The following RAB1A variants were observed in gnomAD, a reference collection of about 807,000 sequenced individuals.
RAB1A encodes the protein RAB1A, member RAS oncogene family, also known as ras-related protein Rab-1A.
In RAB1A, 2 loss-of-function variants were observed where a neutral mutation model predicts 26.0. That is an observed-to-expected ratio of 0.08 (90% CI 0.03 to 0.24). The LOEUF is 0.24. Among genes scored for constraint, RAB1A ranks in the 10% least tolerant of loss-of-function variants. The pLI is 1.00. For missense variants in RAB1A, 100 were observed against 247.0 expected (o/e 0.40, Z 3.99); for synonymous variants, 84 against 84.9 (o/e 0.99, Z 0.06).
chr2:65,121,588 G>A (rs924760646), intron 1 of RAB1A, among the ~76,000 whole-genome samples: 16 of 152,068 alleles, frequency 1.1e-4, no homozygotes, highest in African/African-American at 3.9e-4. Context: ...TGGCTCCTCA[G>A]GACCATTTTT....
intron 1 of RAB1A, among the ~76,000 whole-genome samples, chr2:65,129,607 C>A (rs1365797349): frequency 3.3e-5 from 5 of 152,100 alleles, no homozygotes; most frequent in Non-Finnish European, 4.4e-5. Context: ...CACACCGCCC[C>A]AGGCCCCTCG....
Position 65,091,052 on chromosome 2 carries a change from A to G in RAB1A, c.219T>C (p.Phe73=). ...TGTAATAACTGGAGGTGATTGTTCGAAATCTTTCCTGGCCTGCTGTGTCCC... is the reference window on the plus strand; with the variant it reads ...TGTAATAACTGGAGGTGATTGTTCGGAATCTTTCCTGGCCTGCTGTGTCCC... ...QIWDTAGQER[F]RTITSSYYRG... Residue 73 remains phenylalanine (F), a synonymous_variant, in exon 4 of 6, where the codon TTT becomes TTC. Coordinates refer to ENST00000409784, the MANE Select transcript of RAB1A (RefSeq NM_004161.5). 6.2e-7 allele frequency: 1 copy of G among 1,613,404 alleles called. No individual in the cohort carries two copies. Among genetic ancestry groups the G allele is most frequent in the Non-Finnish European group, 8.5e-7 (1 of 1,179,446 alleles).
In RAB1A at chr2:65,130,093, C is replaced by A; in HGVS notation, c.-178G>T. 1.3e-6 allele frequency: 1 copy of A among 749,778 alleles called. No homozygotes were observed. Among genetic ancestry groups the A allele is most frequent in the Non-Finnish European group, 2.2e-6 (1 of 444,678 alleles). 46.4% of individuals were successfully genotyped at this position (749,778 alleles called of 1,614,324 possible). A position where few individuals can be genotyped will look rare whatever the true frequency, so the allele number is the denominator to read the frequency against. On this transcript the variant is annotated 5_prime_UTR_variant, in exon 1 of 6. Transcript: ENST00000409784. ...AGCAGCCGCCGCCACTCAGCTATCG[C>A]TTCCACCCAAAATGGCCGCCGGCGA...
At chr2:65,102,045 C>T (rs1247740210) in intron 2 of RAB1A, among the ~76,000 whole-genome samples, 1 of 152,048 alleles carries the variant, frequency 6.6e-6, no homozygotes, top group East Asian at 1.9e-4. Context: ...CCACACCCAG[C>T]CAGCAATTTG....
At chr2:65,114,874 AC>A (rs990751906) in intron 1 of RAB1A, among the ~76,000 whole-genome samples, 2 of 141,384 alleles carry the variant, frequency 1.4e-5, no homozygotes, top group East Asian at 2.2e-4. Context: ...CAAAAAAAAA[AC>A]CAGTTTAAGG....
Position 65,088,185 on chromosome 2 carries a change from T to C in RAB1A, c.*308A>G, listed in dbSNP as rs1172162757. ...ACATCTAAACATGCCAATATAAACA[T>C]CAAAACAAAATATATTCTAACCAAC... On this transcript the variant is annotated 3_prime_UTR_variant, in exon 6 of 6. Coordinates refer to ENST00000409784, the MANE Select transcript of RAB1A (RefSeq NM_004161.5). 4.0e-6 allele frequency: 1 copy of C among 248,992 alleles called. No individual in the cohort carries two copies. Among genetic ancestry groups the C allele is most frequent in the African/African-American group, 2.2e-5 (1 of 44,674 alleles). The allele number at this position is 248,992 out of a possible 1,614,324, so 15.4% of individuals were successfully genotyped here. A position where few individuals can be genotyped will look rare whatever the true frequency, so the allele number is the denominator to read the frequency against.
intron 2 of RAB1A, among the ~76,000 whole-genome samples, chr2:65,098,810 C>CCATG (rs922402370): frequency 1.4e-4 from 20 of 147,352 alleles, no homozygotes; most frequent in African/African-American, 4.5e-4. Flanking sequence ...CAAGGTTCAT[C>CCATG]CATGTTGTAC....
At chr2:65,125,864 CTTTTTTT>C (rs55930968) in intron 1 of RAB1A, among the ~76,000 whole-genome samples, 16 of 74,736 alleles carry the variant, frequency 2.1e-4, no homozygotes, top group East Asian at 1.9e-3. Context: ...TTTCAATTGC[CTTTTTTT>C]TTTTTTTTTT....
chr2:65,088,726 ATC>A (rs1171081332), intron 5 of RAB1A, 36 bp from the exon 6 acceptor site: 3 of 1,524,974 alleles, frequency 2.0e-6, no homozygotes, highest in African/African-American at 2.8e-5. Context: ...ACACTGAAAA[ATC>A]TTTTTCACTA....
intron 1 of RAB1A, among the ~76,000 whole-genome samples, chr2:65,128,116 C>T (rs1007103601): frequency 6.6e-6 from 1 of 152,038 alleles, no homozygotes; most frequent in African/African-American, 2.4e-5. Flanking sequence ...TGATGCATAC[C>T]ACCTGAAGAA....
At chr2:65,107,642 T>G (rs1573077646) in intron 1 of RAB1A, among the ~76,000 whole-genome samples, 1 of 152,044 alleles carries the variant, frequency 6.6e-6, no homozygotes, top group Admixed American at 6.6e-5. Context: ...GGGAGGTTTT[T>G]AAACAGAAGT....
intron 2 of RAB1A, among the ~76,000 whole-genome samples, chr2:65,102,925 C>CAA (rs879461402): frequency 1.7e-5 from 2 of 116,698 alleles, no homozygotes; most frequent in East Asian, 2.4e-4. Flanking sequence ...TATTCCATCT[C>CAA]AAAAAAAAAA....
chr2:65,120,455 CAAAAAAAAAAA>C (rs67617654), intron 1 of RAB1A, among the ~76,000 whole-genome samples: 2 of 56,654 alleles, frequency 3.5e-5, no homozygotes, highest in Non-Finnish European at 7.5e-5. Context: ...CACCTTGTCT[CAAAAAAAAAAA>C]AAAAAAAAAA....
intron 1 of RAB1A, among the ~76,000 whole-genome samples, chr2:65,107,276 G>A (rs1669583576): frequency 6.6e-6 from 1 of 151,530 alleles, no homozygotes; most frequent in Admixed American, 6.6e-5. Flanking sequence ...CATGTTGGAG[G>A]CTGTTCTCAA....
At chr2:65,101,747 T>TC (rs1335392186) in intron 2 of RAB1A, among the ~76,000 whole-genome samples, 6 of 136,496 alleles carry the variant, frequency 4.4e-5, no homozygotes, top group Non-Finnish European at 9.4e-5. Flanking sequence ...ACTTCCTTTT[T>TC]TTTTTTTTTT....
chr2:65,126,738 A>G (rs17753423), intron 1 of RAB1A, among the ~76,000 whole-genome samples: 26,440 of 152,202 alleles, frequency 0.17, 2,805 homozygotes, highest in Non-Finnish European at 0.24. Context: ...TCCACCCATT[A>G]AAGTTTTAAT....
At chr2:65,118,143 G>C (rs1286518829) in intron 1 of RAB1A, among the ~76,000 whole-genome samples, 1 of 152,172 alleles carries the variant, frequency 6.6e-6, no homozygotes, top group Non-Finnish European at 1.5e-5. Flanking sequence ...ACCCCACTCA[G>C]ACAAGCATCA....
intron 2 of RAB1A, among the ~76,000 whole-genome samples, chr2:65,102,062 T>C (rs1445415339): frequency 2.0e-5 from 3 of 152,154 alleles, no homozygotes; most frequent in Non-Finnish European, 4.4e-5. Flanking sequence ...TTTGTATTAC[T>C]TCTTTTTTCA....
At chr2:65,104,483 T>C (rs1047581785) in intron 2 of RAB1A, among the ~76,000 whole-genome samples, 1 of 152,226 alleles carries the variant, frequency 6.6e-6, no homozygotes, top group African/African-American at 2.4e-5. Context: ...AACTGCTGTT[T>C]GACTCTGACC....
Sources: allele counts gnomAD v4.1 joint callset (sites outside exome capture counted in the v4.1 genomes callset), GRCh38; gene constraint gnomAD v4.1.1; transcripts MANE v1.5; gene names NCBI Gene and HGNC (gene_info 2026-07-23, HGNC 2026-07-21).